The following TBC1D10A variants were observed in gnomAD, a reference collection of about 807,000 sequenced individuals.
The protein encoded by TBC1D10A is EBP50-PDX interactor of 64 kDa.
A neutral mutation model predicts 52.9 loss-of-function variants in TBC1D10A; 24 were observed. That is an observed-to-expected ratio of 0.45 (90% CI 0.33 to 0.64). The LOEUF is 0.64. Among genes scored for constraint, TBC1D10A ranks in the 30% least tolerant of loss-of-function variants. The pLI, the probability that TBC1D10A is intolerant of heterozygous loss-of-function variation, is 0.02. For synonymous variants in TBC1D10A, 278 were observed against 282.9 expected, an observed-to-expected ratio of 0.98 and a Z score of 0.17; for missense variants, 602 against 687.9, an observed-to-expected ratio of 0.88 and a Z score of 1.40.
chr22:30,302,529 T>C (rs1321744870), intron 2 of TBC1D10A, among the ~76,000 whole-genome samples: 6 of 152,116 alleles, frequency 3.9e-5, no homozygotes, highest in Non-Finnish European at 8.8e-5. Context: ...GTGCCACGAC[T>C]TCCTGACCAG....
chr22:30,292,969 ACCCCAGGAAGGATGAGGGTCTAGT>A, intron 8 of TBC1D10A, 118 bp from the exon 9 acceptor site: 1 of 1,141,662 alleles, frequency 8.8e-7, no homozygotes, highest in Non-Finnish European at 1.3e-6. Flanking sequence ...CTAAACACTG[ACCCCAGGAAGGATGAGGGTCTAGT>A]CCCAAGCTGC....
At chr22:30,301,902 G>A (rs867107126) in intron 2 of TBC1D10A, among the ~76,000 whole-genome samples, 1 of 152,190 alleles carries the variant, frequency 6.6e-6, no homozygotes, top group African/African-American at 2.4e-5. Flanking sequence ...AGTTTCCTGC[G>A]GCTATGGGAC....
chr22:30,307,983 A>T (rs1384397279), intron 1 of TBC1D10A: 2 of 152,084 alleles, frequency 1.3e-5, no homozygotes, highest in Non-Finnish European at 2.9e-5. Context: ...TTTAGTAGAG[A>T]CAGGGTTTCA....
At chr22:30,305,949 G>A (rs1930302334) in intron 1 of TBC1D10A, among the ~76,000 whole-genome samples, 3 of 152,208 alleles carry the variant, frequency 2.0e-5, no homozygotes, top group Admixed American at 2.0e-4. Flanking sequence ...ACTAGGGCAT[G>A]AGTTACTCCT....
chr22:30,308,043 G>A (rs1394741316), intron 1 of TBC1D10A, among the ~76,000 whole-genome samples: 2 of 152,174 alleles, frequency 1.3e-5, no homozygotes, highest in African/African-American at 2.4e-5. Flanking sequence ...CGATCCACCC[G>A]CCTCGGCCTC....
chr22:30,317,151 T>TA (rs1930555077), intron 1 of TBC1D10A, among the ~76,000 whole-genome samples: 1 of 152,202 alleles, frequency 6.6e-6, no homozygotes, highest in Admixed American at 6.5e-5. Context: ...CTCATGCCTG[T>TA]AATCCCAGCA....
At position 30,292,248 on chromosome 22, in the gene TBC1D10A, G is replaced by T; in HGVS notation, c.*127C>A. The T allele has an allele frequency of 1.2e-6, 1 of 813,300 alleles. No homozygotes were observed. The highest frequency in any genetic ancestry group is 1.9e-6 in the Non-Finnish European group (1 of 525,844). 50.4% of individuals were successfully genotyped at this position (813,300 alleles called of 1,614,324 possible). The stretch of plus-strand genomic sequence containing the variant: ...ACCAGGCAGAATCTGTGTTGGACCA[G>T]CCAGACTCCAGCCCAGCCCAGTGGC... On this transcript the variant is annotated 3_prime_UTR_variant, in exon 9 of 9. Coordinates refer to ENST00000215790, the MANE Select transcript of TBC1D10A (RefSeq NM_031937.3).
intron 1 of TBC1D10A, among the ~76,000 whole-genome samples, chr22:30,316,467 T>TG (rs975777776): frequency 2.0e-5 from 3 of 151,126 alleles, no homozygotes; most frequent in African/African-American, 7.4e-5. Context: ...TTTTGTTTTT[T>TG]TTTTTTTGAG....
chr22:30,306,404 C>T (rs1381878988), intron 1 of TBC1D10A, among the ~76,000 whole-genome samples: 1 of 152,200 alleles, frequency 6.6e-6, no homozygotes, highest in Non-Finnish European at 1.5e-5. Context: ...CTCAAAGATG[C>T]CCATTCTCCC....
intron 1 of TBC1D10A, among the ~76,000 whole-genome samples, chr22:30,311,277 G>T (rs1930420019): frequency 6.6e-6 from 1 of 152,236 alleles, no homozygotes; most frequent in South Asian, 2.1e-4. Flanking sequence ...AAACCTATGA[G>T]ATCATGCAGT....
intron 1 of TBC1D10A, chr22:30,307,659 TACA>T: frequency 6.6e-6 from 1 of 152,342 alleles, no homozygotes; most frequent in South Asian, 2.1e-4. Context: ...AAACCATCAC[TACA>T]ACAATAATAA....
intron 1 of TBC1D10A, among the ~76,000 whole-genome samples, chr22:30,314,959 G>GT (rs1601678826): frequency 6.6e-6 from 1 of 152,198 alleles, no homozygotes; most frequent in African/African-American, 2.4e-5. Context: ...CAGCACTCTG[G>GT]TTGCAAGCCT....
intron 2 of TBC1D10A, chr22:30,300,689 C>G (rs549130204): frequency 2.0e-5 from 3 of 152,168 alleles, no homozygotes; most frequent in Non-Finnish European, 4.4e-5. Flanking sequence ...CAGCAGAACT[C>G]TGAAGGAAGA....
At chr22:30,306,646 T>C (rs1930315622) in intron 1 of TBC1D10A, among the ~76,000 whole-genome samples, 1 of 152,252 alleles carries the variant, frequency 6.6e-6, no homozygotes, top group Non-Finnish European at 1.5e-5. Context: ...CTACTTTAAC[T>C]GTGCATGTCA....
In TBC1D10A at chr22:30,305,066, T is replaced by G. The variant is rs1930283981; in HGVS notation, c.210-436A>C. Among the ~76,000 whole-genome samples, 8 of 152,356 alleles carry G rather than the reference T, an allele frequency of 5.3e-5. 1 individual carries two copies. The South Asian group carries it at 1.7e-3, about 32-fold the overall frequency. ...GAAATAATATGCTCACCTCTTTACT[T>G]GAGCCAAACTCATTACTCAGAGTTT... On this transcript the variant is annotated intron_variant, in intron 1 of 8. Transcript: ENST00000215790.
In TBC1D10A at chr22:30,293,779, G is replaced by A; in HGVS notation, c.922C>T (p.Leu308=). Residue 308 remains leucine (L), a synonymous_variant, in exon 8 of 9, where the codon CTG becomes TTG. Coordinates refer to ENST00000215790, the MANE Select transcript of TBC1D10A (RefSeq NM_031937.3). The part of the protein sequence containing the change: ...EGVKIIFRVG[L]VLLKHALGSP... ...CCCAGCGCGTGCTTCAGCAGCACCAGCCCCACCCGGAAGATGATCTTGACC... is the reference window on the plus strand; with the variant it reads ...CCCAGCGCGTGCTTCAGCAGCACCAACCCCACCCGGAAGATGATCTTGACC... The A allele has an allele frequency of 6.2e-7, 1 of 1,612,160 alleles. No individual in the cohort carries two copies. The highest frequency in any genetic ancestry group is 8.5e-7 in the Non-Finnish European group (1 of 1,178,802).
chr22:30,326,924 C>G lies in TBC1D10A; in HGVS notation c.-43G>C. 7.2e-7 allele frequency: 1 copy of G among 1,389,886 alleles called. No homozygotes were observed. The highest frequency in any genetic ancestry group is 9.3e-7 in the Non-Finnish European group (1 of 1,076,076). The allele number at this position is 1,389,886 out of a possible 1,614,324, so 86.1% of individuals were successfully genotyped here. On this transcript the variant is annotated 5_prime_UTR_variant, in exon 1 of 9. Coordinates refer to ENST00000215790, the MANE Select transcript of TBC1D10A (RefSeq NM_031937.3). ...CCTGAGCTCCAGCGGCCACCTCAGCCGCCCTGCTGCCGCCGACGCCCCGCC... is the reference window on the plus strand; with the variant it reads ...CCTGAGCTCCAGCGGCCACCTCAGCGGCCCTGCTGCCGCCGACGCCCCGCC...
rs1220654020 is a variant in TBC1D10A at position 30,295,743 on chromosome 22, C to G, written c.518G>C (p.Gly173Ala). 2 of 1,611,840 alleles carry G rather than the reference C, an allele frequency of 1.2e-6. No individual in the cohort carries two copies. Among genetic ancestry groups the G allele is most frequent in the Non-Finnish European group, 1.7e-6 (2 of 1,178,860 alleles). Residue 173 changes from glycine (G) to alanine (A), a missense_variant, in exon 4 of 9, where the codon GGC (glycine) becomes GCC (alanine). Physicochemically the swap from Gly to Ala is moderately conservative, Grantham distance 60. Transcript: ENST00000215790. ...TGAGGCCCAGCCTGCTCACCCGTGG[C>G]CCCCCCGGGACACAAACATCTCATG... ...PFHEMFVSRG[G>A]HGQQDLFRVL... is the part of the protein sequence containing the mutation.
At chr22:30,317,277 G>GGCT (rs1930558582) in intron 1 of TBC1D10A, among the ~76,000 whole-genome samples, 1 of 151,872 alleles carries the variant, frequency 6.6e-6, no homozygotes, top group Non-Finnish European at 1.5e-5. Flanking sequence ...GCATGGTGGT[G>GGCT]GGCACCTAAA....
Sources: gnomAD v4.1 joint callset for allele counts (sites outside exome capture counted in the v4.1 genomes callset) on GRCh38, gnomAD v4.1.1 for gene constraint, MANE v1.5 for transcripts, NCBI Gene and HGNC (gene_info 2026-07-23, HGNC 2026-07-21) for gene names.